TELO2: variants seen among roughly 807,000 people sequenced by gnomAD.
The protein encoded by TELO2 is telomere maintenance 2.
TELO2 carries 71 observed loss-of-function variants against 91.0 expected under a neutral mutation model. That is an observed-to-expected ratio of 0.78 (90% CI 0.64 to 0.95). The LOEUF (loss-of-function observed/expected upper bound fraction) is 0.95, where lower values mean the gene tolerates loss of function less well. TELO2 is among the 40% of genes least tolerant of loss of function. The pLI, the probability that TELO2 is intolerant of heterozygous loss-of-function variation, is 0.00. For synonymous variants in TELO2, 584 were observed against 518.9 expected (o/e 1.13, Z -1.71); for missense variants, 1,183 against 1,141.3 (o/e 1.04, Z -0.53).
At chr16:1,508,296 C>A (rs1199908396) in intron 20 of TELO2, among the ~76,000 whole-genome samples, 1 of 152,264 alleles carries the variant, frequency 6.6e-6, no homozygotes. Flanking sequence ...CTGCGCCCAG[C>A]CAATTTTTGT....
intron 3 of TELO2, 98 bp downstream of exon 3, chr16:1,495,721 G>A: frequency 6.8e-7 from 1 of 1,466,314 alleles, no homozygotes; most frequent in Non-Finnish European, 9.1e-7. Flanking sequence ...AGACTTTGGA[G>A]TCTCTGGTTG....
chr16:1,501,037 C>T (rs1359583700), intron 9 of TELO2, among the ~76,000 whole-genome samples: 1 of 152,248 alleles, frequency 6.6e-6, no homozygotes, highest in Non-Finnish European at 1.5e-5. Context: ...CGCTCTGGGT[C>T]GGTGGCCGTG....
chr16:1,510,405 C>G lies in TELO2; in HGVS notation c.*469C>G. 4.6e-6 allele frequency: 1 copy of G among 215,610 alleles called. No homozygotes were observed. Among genetic ancestry groups the G allele is most frequent in the South Asian group, 6.7e-5 (1 of 14,822 alleles). The allele number at this position is 215,610 out of a possible 1,614,324, so 13.4% of individuals were successfully genotyped here. On this transcript the variant is annotated 3_prime_UTR_variant, in exon 21 of 21. Transcript: ENST00000262319. ...GTGGCTCCTGGATGGGCTCGTGGGG[C>G]GGGATGGGACAGGGCACGGGCTCTC... is the stretch of plus-strand genomic sequence containing the variant.
rs146078737 is a variant in TELO2 at position 1,499,168 on chromosome 16, C to T, written c.831-63C>T. ...CGCCGTCTGTGGGCATCGGAGTTCA[C>T]GCTCTCGCTCCTCCCTGTCTCCAGG... On this transcript the variant is annotated intron_variant, in intron 5 of 20. Transcript: ENST00000262319. 789 of 1,565,300 alleles carry T rather than the reference C, an allele frequency of 5.0e-4. 7 individuals are homozygous for T. The African/African-American group carries it at 8.6e-3, about 17-fold the overall frequency.
chr16:1,502,531 G>C, intron 13 of TELO2, 114 bp from the exon 14 acceptor site: 1 of 1,501,512 alleles, frequency 6.7e-7, no homozygotes, highest in Non-Finnish European at 9.0e-7. Context: ...CTCCCGGGGG[G>C]CCTGCGGCCT....
Position 1,494,449 on chromosome 16 carries a change from G to C in TELO2, c.168G>C (p.Ser56=). The change falls in exon 2 of 21, where the codon TCG becomes TCC. Residue 56 remains serine, a synonymous_variant. Transcript: ENST00000262319. The surrounding 1 kb of genome is among the most constrained non-coding windows in gnomAD (Gnocchi z 5.6). ...ALPREKEEFA[S]AHFSPVLRCL... ...CGAGGGAGAAGGAGGAGTTTGCCTC[G>C]GCCCACTTCTCGCCTGTCCTCAGAT... The C allele has an allele frequency of 6.2e-7, 1 of 1,613,410 alleles. No individual in the cohort carries two copies. Among genetic ancestry groups the C allele is most frequent in the South Asian group, 1.1e-5 (1 of 91,060 alleles).
Position 1,494,288 on chromosome 16 carries a change from C to G in TELO2, c.7C>G (p.Pro3Ala). 6.2e-7 allele frequency: 1 copy of G among 1,612,208 alleles called. No individual in the cohort carries two copies. Among genetic ancestry groups the G allele is most frequent in the Non-Finnish European group, 8.5e-7 (1 of 1,179,234 alleles). The change falls in exon 2 of 21, where the codon CCA becomes GCA. Residue 3 changes from proline to alanine, a missense_variant. Pro to Ala is a conservative substitution (Grantham distance 27). Transcript: ENST00000262319. The surrounding 1 kb of genome is among the most constrained non-coding windows in gnomAD (Gnocchi z 5.6). ME[P>A]APSEVRLAVR... is the part of the protein sequence containing the mutation. Reference sequence around the variant, plus strand: ...CCCAGATCTGTCCTGCAGGATGGAGCCAGCACCCTCAGAGGTTCGACTCGC... The same window carrying G: ...CCCAGATCTGTCCTGCAGGATGGAGGCAGCACCCTCAGAGGTTCGACTCGC...
rs1328933230 is a variant in TELO2, at chr16:1,508,375, C to T, written c.2407+659C>T. On this transcript the variant is annotated intron_variant, in intron 20 of 20. Transcript: ENST00000262319. ...CTCAATCTCCTGACCTCGTGATCCA[C>T]CCGCCTCAGCCTCCCAAAGTGCTGG... Among the ~76,000 whole-genome samples, 3 of 152,224 alleles carry T rather than the reference C, an allele frequency of 2.0e-5. No homozygotes were observed. In the East Asian group the frequency reaches 5.8e-4, roughly 29 times the overall value.
rs1310583615 is a variant in TELO2 at position 1,494,509 on chromosome 16, G to T, written c.228G>T (p.Glu76Asp). ...LASRLSPAWL[E>D]LLPHGRLEEL... The stretch of plus-strand genomic sequence containing the variant: ...GCAGGCTGAGCCCAGCCTGGCTGGA[G>T]CTGCTGCCCCATGGCCGCCTGGAGG... Residue 76 changes from glutamate (E) to aspartate (D), a missense_variant, in exon 2 of 21, where the codon GAG becomes GAT. Coordinates refer to ENST00000262319, the MANE Select transcript of TELO2 (RefSeq NM_016111.4). The surrounding 1 kb of genome is among the most constrained non-coding windows in gnomAD (Gnocchi z 5.6). The T allele has an allele frequency of 5.6e-6, 9 of 1,613,192 alleles. No individual in the cohort carries two copies. Among genetic ancestry groups the T allele is most frequent in the Non-Finnish European group, 7.6e-6 (9 of 1,179,944 alleles).
At chr16:1,501,531 C>T (rs747809748) in intron 10 of TELO2, 32 bp downstream of exon 10, 10 of 1,588,472 alleles carry the variant, frequency 6.3e-6, no homozygotes, top group Admixed American at 1.7e-5. Context: ...GACCCCACCG[C>T]GTGCACATCT....
At chr16:1,509,085 T>C (rs1420109765) in intron 20 of TELO2, among the ~76,000 whole-genome samples, 2 of 152,094 alleles carry the variant, frequency 1.3e-5, no homozygotes, top group East Asian at 1.9e-4. Flanking sequence ...GGCGGGCACA[T>C]TCCCTGCAGT....
intron 15 of TELO2, among the ~76,000 whole-genome samples, chr16:1,504,162 C>T (rs1025412296): frequency 2.0e-4 from 30 of 149,480 alleles, no homozygotes; most frequent in African/African-American, 4.2e-4. Context: ...CAGCCGGCCA[C>T]GGCGGCTCAC....
intron 20 of TELO2, among the ~76,000 whole-genome samples, chr16:1,509,458 G>C (rs921376478): frequency 2.0e-5 from 3 of 152,286 alleles, no homozygotes; most frequent in South Asian, 2.1e-4. Context: ...CCCCACAGGC[G>C]GGTGGCACGC....
At chr16:1,495,729 T>C in intron 3 of TELO2, 106 bp downstream of exon 3, 1 of 1,438,342 alleles carries the variant, frequency 7.0e-7, no homozygotes, top group Non-Finnish European at 9.3e-7. Context: ...GAGTCTCTGG[T>C]TGATGCCGTC....
At position 1,497,847 on chromosome 16, in the gene TELO2, T is replaced by A. The variant is rs1384245679; in HGVS notation, c.830+339T>A. Among the ~76,000 whole-genome samples, 2 of 152,082 alleles carry A rather than the reference T, an allele frequency of 1.3e-5. No individual in the cohort carries two copies. The highest frequency in any genetic ancestry group is 2.9e-5 in the Non-Finnish European group (2 of 68,010). ...CTCTGACATGGTGATGGGCGGTGAC[T>A]CACTTCCCCACGTCTTTGTGCAGGA... On this transcript the variant is annotated intron_variant, in intron 5 of 20. Coordinates refer to ENST00000262319, the MANE Select transcript of TELO2 (RefSeq NM_016111.4). The surrounding 1 kb of genome is among the most constrained non-coding windows in gnomAD (Gnocchi z 4.0).
In TELO2 at chr16:1,500,349, G is replaced by T. The variant is rs1382515859; in HGVS notation, c.1005G>T (p.Val335=). 1 of 1,586,888 alleles carries T rather than the reference G, an allele frequency of 6.3e-7. No homozygotes were observed. Among genetic ancestry groups the T allele is most frequent in the South Asian group, 1.1e-5 (1 of 88,142 alleles). ...DSQRRPLLLQ[V]LKELLETWGS... is the part of the protein sequence containing the mutation. The stretch of plus-strand genomic sequence containing the variant: ...GTCGTGGGCCATGCCACCTGCAGGT[G>T]CTGAAGGAGCTGTTGGAGACGTGGG... Residue 335 remains valine, a splice_region_variant and synonymous_variant, in exon 8 of 21, where the codon GTG becomes GTT. Coordinates refer to ENST00000262319, the MANE Select transcript of TELO2 (RefSeq NM_016111.4).
rs1249158820 is a variant in TELO2, at chr16:1,494,497, A to G, written c.216A>G (p.Pro72=). Residue 72 remains proline (P), a synonymous_variant, in exon 2 of 21, where the codon CCA becomes CCG. Transcript: ENST00000262319. This position sits in a 1 kb window ranked among gnomAD's most constrained non-coding sequence, Gnocchi z 5.6. ...GATGTCTTGCCAGCAGGCTGAGCCC[A>G]GCCTGGCTGGAGCTGCTGCCCCATG... ...VLRCLASRLS[P]AWLELLPHGR... is the part of the protein sequence containing the mutation. 7.4e-6 allele frequency: 12 copies of G among 1,613,160 alleles called. No individual in the cohort carries two copies. The African/African-American group carries it at 1.2e-4, about 16-fold the overall frequency.
At position 1,493,501 on chromosome 16, in the gene TELO2, G is replaced by C. The variant is rs1199175124; in HGVS notation, c.-141G>C. 1 of 152,260 alleles carries C rather than the reference G, an allele frequency of 6.6e-6. No homozygotes were observed. Among genetic ancestry groups the C allele is most frequent in the Non-Finnish European group, 1.5e-5 (1 of 68,052 alleles). The allele number at this position is 152,260 out of a possible 1,614,324, so 9.4% of individuals were successfully genotyped here. A position where few individuals can be genotyped will look rare whatever the true frequency, so the allele number is the denominator to read the frequency against. On this transcript the variant is annotated 5_prime_UTR_variant, in exon 1 of 21. Transcript: ENST00000262319. This position sits in a 1 kb window ranked among gnomAD's most constrained non-coding sequence, Gnocchi z 4.3. Reference sequence around the variant, plus strand: ...GCTCGGGGCCAACCGGCTGGGCCGCGATCGCGTTTCGTCCGGGGCCGCGGC... The same window carrying C: ...GCTCGGGGCCAACCGGCTGGGCCGCCATCGCGTTTCGTCCGGGGCCGCGGC...
Position 1,497,397 on chromosome 16 carries a change from C to G in TELO2, c.719C>G (p.Ala240Gly), listed in dbSNP as rs747518117. 1 of 1,550,696 alleles carries G rather than the reference C, an allele frequency of 6.4e-7. No homozygotes were observed. Among genetic ancestry groups the G allele is most frequent in the Admixed American group, 2.0e-5 (1 of 51,054 alleles). ...ILGVLVPRLA[A>G]LTQGSYLHQR... ...GGCGTGCTGGTACCCCGGCTGGCAG[C>G]GCTCACCCAGGGCAGCTACCTGCAC... Residue 240 changes from alanine to glycine, a missense_variant, in exon 5 of 21, where the codon GCG (alanine) becomes GGG (glycine). Coordinates refer to ENST00000262319, the MANE Select transcript of TELO2 (RefSeq NM_016111.4). This position sits in a 1 kb window ranked among gnomAD's most constrained non-coding sequence, Gnocchi z 4.0.
Sources: allele counts gnomAD v4.1 joint callset (sites outside exome capture counted in the v4.1 genomes callset), GRCh38; gene constraint gnomAD v4.1.1; non-coding constraint Gnocchi (gnomAD v3.1); transcripts MANE v1.5; gene names NCBI Gene and HGNC (gene_info 2026-07-23, HGNC 2026-07-21).